The following MSH6 variants were observed in gnomAD, a reference collection of about 807,000 sequenced individuals.
MSH6 encodes the protein mutS homolog 6, also known as DNA mismatch repair protein Msh6.
MSH6 carries 85 observed loss-of-function variants against 119.1 expected under a neutral mutation model. The observed-to-expected ratio is 0.71, with a 90% confidence interval of 0.60 to 0.85. The LOEUF is 0.85. MSH6 is among the 40% of genes least tolerant of loss of function. The pLI, the probability that MSH6 is intolerant of heterozygous loss-of-function variation, is 0.00. For synonymous variants in MSH6, 830 were observed against 586.9 expected (o/e 1.41, Z -5.99); for missense variants, 2,163 against 1,655.3 (o/e 1.31, Z -5.32).
intron 2 of MSH6, among the ~76,000 whole-genome samples, chr2:47,792,268 C>T (rs962489687): frequency 3.9e-5 from 6 of 152,138 alleles, no homozygotes; most frequent in East Asian, 1.9e-4. Context: ...CAGTCTAGTA[C>T]GTTGTCGTAC....
rs1669452752 is a variant in MSH6, at chr2:47,800,337, A to G, written c.2354A>G (p.His785Arg). 2 of 1,614,090 alleles carry G rather than the reference A, an allele frequency of 1.2e-6. No individual in the cohort carries two copies. Among genetic ancestry groups the G allele is most frequent in the South Asian group, 1.1e-5 (1 of 91,058 alleles). Residue 785 changes from histidine to arginine, a missense_variant, in exon 4 of 10, where the codon CAT (histidine) becomes CGT (arginine). Coordinates refer to ENST00000234420, the MANE Select transcript of MSH6 (RefSeq NM_000179.3). ...TGGCTTTGTGCCCCACTCTGTAACC[A>G]TTATGCTATTAATGATCGTCTAGAT... The part of the protein sequence containing the change: ...KQWLCAPLCN[H>R]YAINDRLDAI...
intron 1 of MSH6, among the ~76,000 whole-genome samples, chr2:47,787,241 A>G (rs1668401532): frequency 6.6e-6 from 1 of 152,198 alleles, no homozygotes; most frequent in African/African-American, 2.4e-5. Context: ...GTAAGCCAAG[A>G]GATCATGCCA....
chr2:47,784,128 GGCCACGA>G (rs1189832225), intron 1 of MSH6: 4 of 1,006,090 alleles, frequency 4.0e-6, no homozygotes, highest in Non-Finnish European at 4.8e-6. Context: ...CGAGGGGGTG[GGCCACGA>G]GCTGCGAGCG....
intron 4 of MSH6, among the ~76,000 whole-genome samples, chr2:47,801,845 C>T (rs1263662749): frequency 6.6e-6 from 1 of 151,886 alleles, no homozygotes; most frequent in East Asian, 1.9e-4. Flanking sequence ...GTTGAAGCTT[C>T]CCTATGTTGC....
At chr2:47,788,246 C>CTTTTTTTTTTTTTTT (rs560110301) in intron 1 of MSH6, among the ~76,000 whole-genome samples, 9 of 90,052 alleles carry the variant, frequency 1.0e-4, no homozygotes, top group East Asian at 2.9e-4. Flanking sequence ...TTCTTTCTTT[C>CTTTTTTTTTTTTTTT]TTTTTTTTTT....
intron 2 of MSH6, among the ~76,000 whole-genome samples, chr2:47,792,345 CT>C (rs988978804): frequency 6.6e-5 from 10 of 152,238 alleles, no homozygotes; most frequent in Non-Finnish European, 1.5e-4. Flanking sequence ...GAATCACACT[CT>C]TTCGTCATAG....
intron 1 of MSH6, among the ~76,000 whole-genome samples, chr2:47,785,454 G>C (rs1001563873): frequency 3.3e-5 from 5 of 150,896 alleles, no homozygotes; most frequent in African/African-American, 7.3e-5. Context: ...CTGACCTCAA[G>C]TGGTCCACCC....
intron 4 of MSH6, 135 bp from the exon 5 acceptor site, chr2:47,803,285 T>C (rs1669719807): frequency 3.3e-6 from 4 of 1,200,188 alleles, no homozygotes; most frequent in Non-Finnish European, 4.8e-6. Context: ...AGTATTTTGA[T>C]GGGGGAGATC....
At chr2:47,788,934 T>TG (rs1558650280) in intron 1 of MSH6, among the ~76,000 whole-genome samples, 75 of 99,614 alleles carry the variant, frequency 7.5e-4, no homozygotes, top group African/African-American at 3.2e-3. Context: ...TTTTTTTTTT[T>TG]TTTTTTTTTT....
Position 47,799,321 on chromosome 2 carries a change from A to T in MSH6, c.1338A>T (p.Glu446Asp), listed in dbSNP as rs587779211. Reference sequence around the variant, plus strand: ...TGGATGCTCTTATTGGAGTCAGTGAACTGGGGCTGGTATTCATGAAAGGCA... The same window carrying T: ...TGGATGCTCTTATTGGAGTCAGTGATCTGGGGCTGGTATTCATGAAAGGCA... The part of the protein sequence containing the change: ...YHMDALIGVS[E>D]LGLVFMKGNW... Residue 446 changes from glutamate to aspartate, a missense_variant, in exon 4 of 10, where the codon GAA (glutamate) becomes GAT (aspartate). Glu to Asp is a conservative substitution (Grantham distance 45, BLOSUM62 2). Transcript: ENST00000234420. The T allele has an allele frequency of 6.2e-7, 1 of 1,613,934 alleles. No individual in the cohort carries two copies. The highest frequency in any genetic ancestry group is 8.5e-7 in the Non-Finnish European group (1 of 1,180,018).
intron 2 of MSH6, among the ~76,000 whole-genome samples, 193 bp from the exon 3 acceptor site, chr2:47,795,701 C>G (rs1307845785): frequency 1.3e-5 from 2 of 151,440 alleles, no homozygotes; most frequent in Non-Finnish European, 2.9e-5. Flanking sequence ...GAATTCCTGA[C>G]CTCAAGTAGT....
rs587782346 is a variant in MSH6, at chr2:47,799,359, C to T, written c.1376C>T (p.Ser459Phe). The change falls in exon 4 of 10, where the codon TCT (serine) becomes TTT (phenylalanine). Residue 459 changes from serine to phenylalanine, a missense_variant. Coordinates refer to ENST00000234420, the MANE Select transcript of MSH6 (RefSeq NM_000179.3). ...LVFMKGNWAH[S>F]GFPEIAFGRY... The stretch of plus-strand genomic sequence containing the variant: ...TTCATGAAAGGCAACTGGGCCCATT[C>T]TGGCTTTCCTGAAATTGCATTTGGC... 6.2e-7 allele frequency: 1 copy of T among 1,614,082 alleles called. No individual in the cohort carries two copies. Among genetic ancestry groups the T allele is most frequent in the Non-Finnish European group, 8.5e-7 (1 of 1,180,028 alleles).
intron 5 of MSH6, among the ~76,000 whole-genome samples, chr2:47,804,530 ACGTGTAAAAAAAAAAAAAAAGGTGCAGAG>A (rs2104498212): frequency 1.2e-5 from 1 of 80,874 alleles, no homozygotes; most frequent in Non-Finnish European, 2.3e-5. Context: ...GAATGTGACA[ACGTGTAAAAAAAAAAAAAAAGGTGCAGAG>A]ATTCCATCCT....
chr2:47,805,836 T>C (rs144047075), intron 7 of MSH6, 129 bp downstream of exon 7: 19 of 789,724 alleles, frequency 2.4e-5, no homozygotes, highest in African/African-American at 1.0e-4. Context: ...GCACTCACCA[T>C]TGTGGCACAG....
intron 1 of MSH6, among the ~76,000 whole-genome samples, chr2:47,788,532 C>T (rs1223750590): frequency 1.4e-5 from 2 of 147,140 alleles, no homozygotes; most frequent in African/African-American, 2.5e-5. Context: ...GGATTACAGG[C>T]GTGAGCCACC....
rs2104348217 is a variant in MSH6, at chr2:47,799,487, A to G, written c.1504A>G (p.Ile502Val). ...MEARCRKMAH[I>V]SKYDRVVRRE... ...GGCACGATGTAGAAAGATGGCACAT[A>G]TATCCAAGTATGATAGAGTGGTGAG... is the stretch of plus-strand genomic sequence containing the variant. Residue 502 changes from isoleucine (I) to valine (V), a missense_variant, in exon 4 of 10, where the codon ATA becomes GTA. Physicochemically the swap from Ile to Val is conservative, Grantham distance 29. Transcript: ENST00000234420. 1 of 1,614,184 alleles carries G rather than the reference A, an allele frequency of 6.2e-7. No individual in the cohort carries two copies. The highest frequency in any genetic ancestry group is 8.5e-7 in the Non-Finnish European group (1 of 1,180,026).
chr2:47,791,485 G>A (rs887383389), intron 2 of MSH6, among the ~76,000 whole-genome samples: 3 of 152,078 alleles, frequency 2.0e-5, no homozygotes, highest in African/African-American at 7.2e-5. Flanking sequence ...AGATGGAGAT[G>A]CGCACTACCT....
intron 5 of MSH6, among the ~76,000 whole-genome samples, chr2:47,803,986 C>A (rs1408465663): frequency 6.6e-6 from 1 of 152,172 alleles, no homozygotes; most frequent in Admixed American, 6.5e-5. Flanking sequence ...AACAAAAATA[C>A]AAAGGCTGTA....
At chr2:47,797,997 CATAATG>C in intron 3 of MSH6, 1 of 210,598 alleles carries the variant, frequency 4.7e-6, no homozygotes. Context: ...CTGCTTCCTT[CATAATG>C]CTGCTTTCCC....
Sources: allele counts gnomAD v4.1 joint callset (sites outside exome capture counted in the v4.1 genomes callset), GRCh38; gene constraint gnomAD v4.1.1; transcripts MANE v1.5; gene names NCBI Gene and HGNC (gene_info 2026-07-23, HGNC 2026-07-21).